NOX3: variants seen among roughly 807,000 people sequenced by gnomAD.
The protein encoded by NOX3 is NADPH oxidase catalytic subunit-like 3.
A neutral mutation model predicts 76.7 loss-of-function variants in NOX3; 74 were observed. The observed-to-expected ratio is 0.96, with a 90% CI of 0.80 to 1.17. NOX3 has a LOEUF of 1.17. Ranked by LOEUF, NOX3 falls within the 50% of genes most tolerant of loss-of-function variation. NOX3 has a pLI of 0.00. For synonymous variants in NOX3, 263 were observed against 261.1 expected, an observed-to-expected ratio of 1.01 and a Z score of -0.07; for missense variants, 695 against 703.3, an observed-to-expected ratio of 0.99 and a Z score of 0.13.
intron 8 of NOX3, among the ~76,000 whole-genome samples, chr6:155,429,355 C>G (rs1776801590): frequency 6.6e-6 from 1 of 152,080 alleles, no homozygotes; most frequent in Non-Finnish European, 1.5e-5. Flanking sequence ...TCAACCAGAC[C>G]CAAGACAGTA....
intron 5 of NOX3, among the ~76,000 whole-genome samples, chr6:155,442,373 TG>T (rs1777005521): frequency 6.6e-6 from 1 of 152,238 alleles, no homozygotes; most frequent in African/African-American, 2.4e-5. Context: ...GGACATGACA[TG>T]GAACAAGTGT....
At chr6:155,434,442 C>A (rs1056444987) in intron 7 of NOX3, among the ~76,000 whole-genome samples, 13 of 152,164 alleles carry the variant, frequency 8.5e-5, no homozygotes, top group African/African-American at 3.1e-4. Context: ...GAGACTGAGA[C>A]AAGCTGCGAA....
intron 4 of NOX3, among the ~76,000 whole-genome samples, chr6:155,443,634 T>C (rs1777023799): frequency 6.6e-6 from 1 of 152,242 alleles, no homozygotes. Flanking sequence ...TTATTTAAGT[T>C]ATATTAATAA....
At chr6:155,399,664 G>T (rs1282958512) in intron 12 of NOX3, among the ~76,000 whole-genome samples, 1 of 151,896 alleles carries the variant, frequency 6.6e-6, no homozygotes, top group African/African-American at 2.4e-5. Flanking sequence ...TGTCACAAAT[G>T]CATACTGTGA....
chr6:155,444,797 G>A (rs1424606277), intron 4 of NOX3, among the ~76,000 whole-genome samples: 1 of 152,152 alleles, frequency 6.6e-6, no homozygotes, highest in Admixed American at 6.5e-5. Flanking sequence ...CCCTGTTTCA[G>A]GCATCTGCTG....
In NOX3 at chr6:155,453,487, C is replaced by T. The variant is rs1562474510; in HGVS notation, c.257G>A (p.Cys86Tyr). 1.9e-6 allele frequency: 3 copies of T among 1,611,656 alleles called. No homozygotes were observed. The highest frequency in any genetic ancestry group is 4.5e-5 in the East Asian group (2 of 44,862). Residue 86 changes from cysteine to tyrosine, a missense_variant and splice_region_variant, in exon 4 of 14, where the codon TGC (cysteine) becomes TAC (tyrosine). Cys to Tyr is a radical substitution (Grantham distance 194). Coordinates refer to ENST00000159060, the MANE Select transcript of NOX3 (RefSeq NM_015718.3). ...TTGCCTCCTCCACGGTCCTCTGCAG[C>T]ACTAGAGTAACAAAAAAATATGCCT... Reference protein sequence around the residue: ...LISFIRGTSICCRGPWRRQLD... With the variant: ...LISFIRGTSIYCRGPWRRQLD...
At position 155,407,246 on chromosome 6, in the gene NOX3, G is replaced by A; in HGVS notation, c.1464C>T (p.His488=). 6.2e-7 allele frequency: 1 copy of A among 1,613,422 alleles called. No individual in the cohort carries two copies. The highest frequency in any genetic ancestry group is 1.6e-4 in the Middle Eastern group (1 of 6,062). ...LTGWDENQAL[H]IALHWDENTD... is the part of the protein sequence containing the mutation. Reference sequence around the variant, plus strand: ...TATTTTCGTCCCAGTGTAAAGCTATGTGAAGAGCCTAAAGTAAATTTGTGG... The same window carrying A: ...TATTTTCGTCCCAGTGTAAAGCTATATGAAGAGCCTAAAGTAAATTTGTGG... The change falls in exon 12 of 14, where the codon CAC becomes CAT. Residue 488 remains histidine, a synonymous_variant. Coordinates refer to ENST00000159060, the MANE Select transcript of NOX3 (RefSeq NM_015718.3).
At chr6:155,453,546 A>G (rs568668242) in intron 3 of NOX3, 58 bp from the exon 4 acceptor site, 1 of 1,326,422 alleles carries the variant, frequency 7.5e-7, no homozygotes, top group Non-Finnish European at 1.1e-6. Flanking sequence ...AAACAATCTC[A>G]TGAAAGTTAA....
chr6:155,435,304 A>T (rs902416533), intron 7 of NOX3, among the ~76,000 whole-genome samples: 1 of 152,006 alleles, frequency 6.6e-6, no homozygotes, highest in Non-Finnish European at 1.5e-5. Context: ...TTTTATGGAG[A>T]TGCTGTAGCT....
intron 6 of NOX3, among the ~76,000 whole-genome samples, chr6:155,438,153 C>G (rs1034200393): frequency 6.6e-6 from 1 of 152,154 alleles, no homozygotes; most frequent in African/African-American, 2.4e-5. Context: ...CTAGATTCCC[C>G]TGAGTTATAG....
intron 4 of NOX3, 70 bp from the exon 5 acceptor site, chr6:155,443,488 G>C: frequency 6.5e-7 from 1 of 1,529,374 alleles, no homozygotes; most frequent in African/African-American, 1.4e-5. Context: ...AAAAAATACA[G>C]TGTCTCTGTG....
intron 9 of NOX3, among the ~76,000 whole-genome samples, chr6:155,423,259 G>A (rs1430159908): frequency 2.0e-5 from 3 of 152,164 alleles, no homozygotes; most frequent in Admixed American, 6.5e-5. Context: ...CATCAAGGAA[G>A]CTTAGCAGGC....
intron 10 of NOX3, among the ~76,000 whole-genome samples, chr6:155,417,235 C>G (rs1776632577): frequency 6.6e-6 from 1 of 152,132 alleles, no homozygotes; most frequent in East Asian, 1.9e-4. Flanking sequence ...ACACACACCC[C>G]TATTTATGCA....
chr6:155,435,541 C>T (rs775184283), intron 7 of NOX3, among the ~76,000 whole-genome samples: 3 of 151,782 alleles, frequency 2.0e-5, no homozygotes, highest in African/African-American at 4.8e-5. Context: ...TTTTAAACAA[C>T]GCAATCACTT....
At chr6:155,406,374 G>T (rs1289988232) in intron 12 of NOX3, among the ~76,000 whole-genome samples, 2 of 152,128 alleles carry the variant, frequency 1.3e-5, no homozygotes, top group Admixed American at 6.6e-5. Context: ...CTAGAACCAG[G>T]AAGTGCAGGC....
intron 4 of NOX3, among the ~76,000 whole-genome samples, chr6:155,451,961 T>C (rs1030762414): frequency 1.3e-5 from 2 of 152,208 alleles, no homozygotes; most frequent in African/African-American, 4.8e-5. Flanking sequence ...TGGCTGTTTT[T>C]TTCCCCCTTC....
chr6:155,422,597 A>G lies in NOX3; in HGVS notation c.1308+97T>C. On this transcript the variant is annotated intron_variant, in intron 10 of 13. Transcript: ENST00000159060. ...AAGGATCCTTGAGTTTATCCCTCAT[A>G]GTTAATTAAAATCCTCCCCAAGAAT... is the stretch of plus-strand genomic sequence containing the variant. The G allele has an allele frequency of 4.3e-6, 5 of 1,165,164 alleles. 1 individual carries two copies. In the South Asian group the frequency reaches 5.8e-5, roughly 14 times the overall value. 72.2% of individuals were successfully genotyped at this position (1,165,164 alleles called of 1,614,324 possible).
chr6:155,430,434 C>T (rs1486290235), intron 8 of NOX3, among the ~76,000 whole-genome samples: 2 of 152,024 alleles, frequency 1.3e-5, no homozygotes, highest in East Asian at 1.9e-4. Context: ...GCTTGGTAGT[C>T]CCCAGTGAGA....
At chr6:155,412,591 G>A (rs999993992) in intron 10 of NOX3, among the ~76,000 whole-genome samples, 3 of 152,280 alleles carry the variant, frequency 2.0e-5, no homozygotes, top group African/African-American at 7.2e-5. Flanking sequence ...CAGTCTCTAA[G>A]CACAATGACC....
Sources: gnomAD v4.1 joint callset for allele counts (sites outside exome capture counted in the v4.1 genomes callset) on GRCh38, gnomAD v4.1.1 for gene constraint, MANE v1.5 for transcripts, NCBI Gene and HGNC (gene_info 2026-07-23, HGNC 2026-07-21) for gene names.